Variants in KCND3 observed in about 807,000 individuals in gnomAD.
KCND3 encodes A-type voltage-gated potassium channel KCND3.
In KCND3, 9 loss-of-function variants were observed where a neutral mutation model predicts 51.1. The observed-to-expected ratio is 0.18, with a 90% confidence interval of 0.11 to 0.31. KCND3 has a LOEUF of 0.31. KCND3 is among the 10% of genes least tolerant of loss of function. The pLI is 1.00. For synonymous variants in KCND3, 349 were observed against 368.0 expected (o/e 0.95, Z 0.59); for missense variants, 526 against 903.8 (o/e 0.58, Z 5.36).
rs190233783 is a variant in KCND3, at chr1:111,977,483, T to C, written c.1106+4138A>G. On this transcript the variant is annotated intron_variant, in intron 2 of 7. Coordinates refer to ENST00000302127, the MANE Select transcript of KCND3 (RefSeq NM_001378969.1). Reference sequence around the variant, plus strand: ...TCATTAAAGTGATTTTTGGACACTGTCAAACGCTCTCTCATCTCAGAGCAT... The same window carrying C: ...TCATTAAAGTGATTTTTGGACACTGCCAAACGCTCTCTCATCTCAGAGCAT... Among the ~76,000 whole-genome samples, 28 of 152,234 alleles carry C rather than the reference T, an allele frequency of 1.8e-4. No homozygotes were observed. The East Asian group carries it at 5.5e-3, about 30-fold the overall frequency.
chr1:111,862,406 CCAACCCTTTCACTAAAAAATAAGTTTTG>C (rs1668374653), intron 2 of KCND3, among the ~76,000 whole-genome samples: 1 of 152,210 alleles, frequency 6.6e-6, no homozygotes, highest in Non-Finnish European at 1.5e-5. Flanking sequence ...GCTAATGCCC[CCAACCCTTTCACTAAAAAATAAGTTTTG>C]CAATGAAAAA....
intron 2 of KCND3, among the ~76,000 whole-genome samples, chr1:111,973,220 G>A (rs1674441767): frequency 6.6e-6 from 1 of 152,238 alleles, no homozygotes. Context: ...GGAGGACTAT[G>A]CCACTGGGAG....
chr1:111,837,448 G>C (rs1273652766), intron 2 of KCND3, among the ~76,000 whole-genome samples: 1 of 152,170 alleles, frequency 6.6e-6, no homozygotes, highest in Admixed American at 6.5e-5. Flanking sequence ...GGCTCTATGA[G>C]GTAGCTATCA....
At chr1:111,889,934 C>T (rs1669752378) in intron 2 of KCND3, among the ~76,000 whole-genome samples, 1 of 152,000 alleles carries the variant, frequency 6.6e-6, no homozygotes, top group African/African-American at 2.4e-5. Context: ...GTGGGAACAG[C>T]CAATGAAAAT....
chr1:111,980,354 T>C (rs1012374126), intron 2 of KCND3, among the ~76,000 whole-genome samples: 6 of 152,150 alleles, frequency 3.9e-5, no homozygotes, highest in African/African-American at 1.2e-4. Context: ...CTCTTCCCCT[T>C]GCTACTCCCT....
At chr1:111,819,732 G>T (rs1180632803) in intron 2 of KCND3, among the ~76,000 whole-genome samples, 1 of 152,196 alleles carries the variant, frequency 6.6e-6, no homozygotes, top group African/African-American at 2.4e-5. Context: ...AGGCTGGGAA[G>T]TGTTAGCCAT....
intron 2 of KCND3, among the ~76,000 whole-genome samples, chr1:111,903,216 C>A (rs1404202381): frequency 6.6e-6 from 1 of 152,208 alleles, no homozygotes; most frequent in African/African-American, 2.4e-5. Context: ...AAGGAAAGTA[C>A]CAGCTTCAGT....
intron 2 of KCND3, among the ~76,000 whole-genome samples, chr1:111,936,307 C>T (rs1348557632): frequency 1.3e-5 from 2 of 151,998 alleles, no homozygotes; most frequent in Non-Finnish European, 2.9e-5. Context: ...AGAGGGCTCC[C>T]CAGGGAGGAA....
At chr1:111,905,789 G>T (rs995039951) in intron 2 of KCND3, among the ~76,000 whole-genome samples, 5 of 152,142 alleles carry the variant, frequency 3.3e-5, no homozygotes, top group African/African-American at 1.2e-4. Flanking sequence ...TAATGCCTGG[G>T]CCCCACCCAG....
At position 111,839,127 on chromosome 1, in the gene KCND3, C is replaced by A. The variant is rs4839173; in HGVS notation, c.1107-52021G>T. On this transcript the variant is annotated intron_variant, in intron 2 of 7. Coordinates refer to ENST00000302127, the MANE Select transcript of KCND3 (RefSeq NM_001378969.1). ...TGACATCAGGCTGATCAACCCAGAA[C>A]GAGAATCTTGCTTTTTGAAAAAGCT... Among the ~76,000 whole-genome samples the A allele has an allele frequency of 1.1e-3, 169 of 152,324 alleles. 1 individual carries two copies. Among genetic ancestry groups the A allele is most frequent in the South Asian group, 4.4e-3 (21 of 4,824 alleles).
At chr1:111,915,576 C>T (rs1316698165) in intron 2 of KCND3, among the ~76,000 whole-genome samples, 1 of 151,766 alleles carries the variant, frequency 6.6e-6, no homozygotes, top group African/African-American at 2.4e-5. Flanking sequence ...CATGGTGAAA[C>T]CCCGTCTCTA....
At chr1:111,963,840 C>T (rs755482515) in intron 2 of KCND3, among the ~76,000 whole-genome samples, 4 of 152,200 alleles carry the variant, frequency 2.6e-5, no homozygotes, top group Non-Finnish European at 5.9e-5. Flanking sequence ...GCTGCACTGC[C>T]TCTCCATCAC....
rs568198426 is a variant in KCND3 at position 111,790,173 on chromosome 1, C to T, written c.1107-3067G>A. Among the ~76,000 whole-genome samples the T allele has an allele frequency of 3.9e-5, 6 of 152,262 alleles. No individual in the cohort carries two copies. The South Asian group carries it at 1.2e-3, about 32-fold the overall frequency. ...ATTAAGAGAGGACACTGGAGTCCAA[C>T]CTGGGTTTGAACCCTAGCTTACATT... is the stretch of plus-strand genomic sequence containing the variant. On this transcript the variant is annotated intron_variant, in intron 2 of 7. Transcript: ENST00000302127.
chr1:111,951,460 A>G (rs1324452967), intron 2 of KCND3, among the ~76,000 whole-genome samples: 1 of 152,162 alleles, frequency 6.6e-6, no homozygotes, highest in East Asian at 1.9e-4. Flanking sequence ...TCAGGAGAGT[A>G]GATATATGTA....
At chr1:111,870,720 A>AT (rs1668793374) in intron 2 of KCND3, among the ~76,000 whole-genome samples, 1 of 61,782 alleles carries the variant, frequency 1.6e-5, no homozygotes, top group Non-Finnish European at 5.7e-5. Context: ...ACTCAGTGAA[A>AT]GAAAAAAAAG....
chr1:111,951,155 A>AG (rs1673040828), intron 2 of KCND3, among the ~76,000 whole-genome samples: 1 of 125,128 alleles, frequency 8.0e-6, no homozygotes, highest in African/African-American at 3.1e-5. Context: ...GGCAAACAAG[A>AG]GCAAAAAAAA....
chr1:111,967,947 C>G (rs1209158492), intron 2 of KCND3, among the ~76,000 whole-genome samples: 4 of 152,208 alleles, frequency 2.6e-5, no homozygotes, highest in Non-Finnish European at 5.9e-5. Context: ...GAGCCCCACT[C>G]TAGCCAAAGG....
At position 111,778,424 on chromosome 1, in the gene KCND3, A is replaced by T. The variant is rs191447343; in HGVS notation, c.1518+12T>A. ...AGAGAAAAACATCAATTGAATTTTT[A>T]AAAAGTTATACCTTGATGGTGGAGG... is the stretch of plus-strand genomic sequence containing the variant. On this transcript the variant is annotated intron_variant, in intron 6 of 7. Transcript: ENST00000302127. 6.2e-7 allele frequency: 1 copy of T among 1,611,572 alleles called. No homozygotes were observed. The highest frequency in any genetic ancestry group is 1.3e-5 in the African/African-American group (1 of 74,954).
At chr1:111,821,293 A>G (rs568102115) in intron 2 of KCND3, among the ~76,000 whole-genome samples, 41 of 152,308 alleles carry the variant, frequency 2.7e-4, no homozygotes, top group African/African-American at 9.6e-4. Flanking sequence ...TTTACCTTAC[A>G]GTTAGCTGGC....
Sources: allele counts gnomAD v4.1 joint callset (sites outside exome capture counted in the v4.1 genomes callset), GRCh38; gene constraint gnomAD v4.1.1; transcripts MANE v1.5; gene names NCBI Gene and HGNC (gene_info 2026-07-23, HGNC 2026-07-21).